Variants in GPC2 observed in about 807,000 individuals in gnomAD.
GPC2 encodes the protein glypican 2.
Under a neutral mutation model 57.3 loss-of-function variants are expected in GPC2, and 42 were observed. The ratio of observed to expected loss-of-function variants is 0.73; its 90% confidence interval spans 0.57 to 0.95. GPC2 has a LOEUF of 0.95. GPC2 is among the 40% of genes least tolerant of loss of function. The pLI, the probability that GPC2 is intolerant of heterozygous loss-of-function variation, is 0.00. For missense variants in GPC2, 745 were observed against 793.6 expected, an observed-to-expected ratio of 0.94 and a Z score of 0.74; for synonymous variants, 364 against 343.4, an observed-to-expected ratio of 1.06 and a Z score of -0.66.
Position 100,170,501 on chromosome 7 carries a change from G to T in GPC2, c.1487-18C>A. On this transcript the variant is annotated intron_variant, in intron 9 of 9. Coordinates refer to ENST00000292377, the MANE Select transcript of GPC2 (RefSeq NM_152742.3). ...ATCCTCATCTGCAAGGAAGAAGAGG[G>T]ACAGAGCAGGATGGGAGGGAGAAGC... 3 of 1,495,310 alleles carry T rather than the reference G, an allele frequency of 2.0e-6. No homozygotes were observed. The highest frequency in any genetic ancestry group is 1.8e-6 in the Non-Finnish European group (2 of 1,119,228). 92.6% of individuals were successfully genotyped at this position (1,495,310 alleles called of 1,614,324 possible).
intron 5 of GPC2, among the ~76,000 whole-genome samples, chr7:100,172,720 C>T (rs1213643127): frequency 6.0e-4 from 58 of 96,828 alleles, no homozygotes; most frequent in East Asian, 3.8e-3. Context: ...TGTATATATA[C>T]ACGTATATAT....
chr7:100,172,895 A>C (rs566667043), intron 5 of GPC2, among the ~76,000 whole-genome samples: 1 of 150,560 alleles, frequency 6.6e-6, no homozygotes, highest in African/African-American at 2.4e-5. Context: ...TCTCAAAAAA[A>C]AAAGAGTCTC....
intron 2 of GPC2, 111 bp downstream of exon 2, chr7:100,176,096 G>GGGGGGC: frequency 2.5e-6 from 1 of 395,286 alleles, no homozygotes; most frequent in Non-Finnish European, 4.0e-6. Flanking sequence ...GGCGGGCTGG[G>GGGGGGC]AGGGGATGGA....
At position 100,170,185 on chromosome 7, in the gene GPC2, G is replaced by A; in HGVS notation, c.*45C>T. ...CAGGCCCAGCTGAGGGGGGAGGAGGGGAAAGGGCCATGAACCCTTCTGATG... is the reference window on the plus strand; with the variant it reads ...CAGGCCCAGCTGAGGGGGGAGGAGGAGAAAGGGCCATGAACCCTTCTGATG... On this transcript the variant is annotated 3_prime_UTR_variant, in exon 10 of 10. Coordinates refer to ENST00000292377, the MANE Select transcript of GPC2 (RefSeq NM_152742.3). 2 of 1,497,928 alleles carry A rather than the reference G, an allele frequency of 1.3e-6. No individual in the cohort carries two copies. Among genetic ancestry groups the A allele is most frequent in the Non-Finnish European group, 1.8e-6 (2 of 1,116,020 alleles). 92.8% of individuals were successfully genotyped at this position (1,497,928 alleles called of 1,614,324 possible). A position where few individuals can be genotyped will look rare whatever the true frequency, so the allele number is the denominator to read the frequency against.
rs775294577 is a variant in GPC2 at position 100,172,181 on chromosome 7, G to A, written c.929C>T (p.Pro310Leu). 1.9e-6 allele frequency: 3 copies of A among 1,613,908 alleles called. No individual in the cohort carries two copies. Among genetic ancestry groups the A allele is most frequent in the African/African-American group, 1.3e-5 (1 of 74,934 alleles). Residue 310 changes from proline (P) to leucine (L), a missense_variant, in exon 6 of 10, where the codon CCC becomes CTC. This residue lies in a region of GPC2 where 607 missense variants were observed against 603.9 expected (regional missense o/e 1.01). Transcript: ENST00000292377. The stretch of plus-strand genomic sequence containing the variant: ...CTCGGCCGTCAGCTCAAAGGAAAAG[G>A]GGCCCTGGAGCTTATCAGCCAGGAT... The part of the protein sequence containing the change: ...LLILADKLQG[P>L]FSFELTAESI...
At chr7:100,170,567 A>C in intron 9 of GPC2, 84 bp from the exon 10 acceptor site, 1 of 1,285,018 alleles carries the variant, frequency 7.8e-7, no homozygotes, top group Non-Finnish European at 1.0e-6. Flanking sequence ...AGATAAAAAC[A>C]GAAAGAGAGA....
rs1367820639 is a variant in GPC2 at position 100,176,995 on chromosome 7, C to T, written c.166+39G>A. 1.8e-5 allele frequency: 6 copies of T among 338,962 alleles called. 1 individual carries two copies. The highest frequency in any genetic ancestry group is 2.2e-5 in the Non-Finnish European group (4 of 177,904). 21.0% of individuals were successfully genotyped at this position (338,962 alleles called of 1,614,324 possible). On this transcript the variant is annotated intron_variant, in intron 1 of 9. Transcript: ENST00000292377. ...GAGATGAGGAGGCCCCGCCCCCGCC[C>T]CCCACCCCCAATTCTCTAGTCTTCC...
At position 100,171,509 on chromosome 7, in the gene GPC2, C is replaced by G. The variant is rs544003526; in HGVS notation, c.1310+30G>C. 2.3e-4 allele frequency: 305 copies of G among 1,354,878 alleles called. No individual in the cohort carries two copies. Among genetic ancestry groups the G allele is most frequent in the Non-Finnish European group, 2.7e-4 (282 of 1,061,354 alleles). 83.9% of individuals were successfully genotyped at this position (1,354,878 alleles called of 1,614,324 possible). On this transcript the variant is annotated intron_variant, in intron 8 of 9. Coordinates refer to ENST00000292377, the MANE Select transcript of GPC2 (RefSeq NM_152742.3). This position sits in a 1 kb window ranked among gnomAD's most constrained non-coding sequence, Gnocchi z 4.8. The stretch of plus-strand genomic sequence containing the variant: ...CCCCTCCCGGCCGCGGTCCCGCCCC[C>G]TGCTGCCCCCCGACGCCCCCGAGGC...
Position 100,171,501 on chromosome 7 carries a change from C to T in GPC2, c.1310+38G>A. 7.4e-7 allele frequency: 1 copy of T among 1,353,756 alleles called. No individual in the cohort carries two copies. Among genetic ancestry groups the T allele is most frequent in the South Asian group, 1.8e-5 (1 of 54,750 alleles). 83.9% of individuals were successfully genotyped at this position (1,353,756 alleles called of 1,614,324 possible). A position where few individuals can be genotyped will look rare whatever the true frequency, so the allele number is the denominator to read the frequency against. Reference sequence around the variant, plus strand: ...CGGCCCCGCCCCTCCCGGCCGCGGTCCCGCCCCCTGCTGCCCCCCGACGCC... The same window carrying T: ...CGGCCCCGCCCCTCCCGGCCGCGGTTCCGCCCCCTGCTGCCCCCCGACGCC... On this transcript the variant is annotated intron_variant, in intron 8 of 9. Transcript: ENST00000292377. This position sits in a 1 kb window ranked among gnomAD's most constrained non-coding sequence, Gnocchi z 4.8.
chr7:100,170,484 C>T lies in GPC2; in HGVS notation c.1487-1G>A. 6.6e-7 allele frequency: 1 copy of T among 1,519,614 alleles called. No individual in the cohort carries two copies. Among genetic ancestry groups the T allele is most frequent in the Non-Finnish European group, 8.8e-7 (1 of 1,130,360 alleles). The allele number at this position is 1,519,614 out of a possible 1,614,324, so 94.1% of individuals were successfully genotyped here. On this transcript the variant is annotated splice_acceptor_variant, in intron 9 of 9. Transcript: ENST00000292377. LOFTEE classifies it high-confidence loss of function. ...CCTCCAGAGCCGCTGGCATCCTCAT[C>T]TGCAAGGAAGAAGAGGGACAGAGCA...
At position 100,170,177 on chromosome 7, in the gene GPC2, G is replaced by A; in HGVS notation, c.*53C>T. The A allele has an allele frequency of 6.7e-7, 1 of 1,486,532 alleles. No individual in the cohort carries two copies. The highest frequency in any genetic ancestry group is 2.5e-5 in the East Asian group (1 of 39,346). 92.1% of individuals were successfully genotyped at this position (1,486,532 alleles called of 1,614,324 possible). A position where few individuals can be genotyped will look rare whatever the true frequency, so the allele number is the denominator to read the frequency against. ...CTCCTCCCCAGGCCCAGCTGAGGGG[G>A]GAGGAGGGGAAAGGGCCATGAACCC... On this transcript the variant is annotated 3_prime_UTR_variant, in exon 10 of 10. Coordinates refer to ENST00000292377, the MANE Select transcript of GPC2 (RefSeq NM_152742.3).
In GPC2 at chr7:100,171,507, C is replaced by T; in HGVS notation, c.1310+32G>A. On this transcript the variant is annotated intron_variant, in intron 8 of 9. Transcript: ENST00000292377. This position sits in a 1 kb window ranked among gnomAD's most constrained non-coding sequence, Gnocchi z 4.8. ...CGCCCCTCCCGGCCGCGGTCCCGCC[C>T]CCTGCTGCCCCCCGACGCCCCCGAG... 1.5e-6 allele frequency: 2 copies of T among 1,351,706 alleles called. No homozygotes were observed. The highest frequency in any genetic ancestry group is 9.4e-7 in the Non-Finnish European group (1 of 1,059,614). 83.7% of individuals were successfully genotyped at this position (1,351,706 alleles called of 1,614,324 possible). A position where few individuals can be genotyped will look rare whatever the true frequency, so the allele number is the denominator to read the frequency against.
At chr7:100,172,673 G>GTGTGTGTGTGTGTATATATATATA (rs1427425109) in intron 5 of GPC2, among the ~76,000 whole-genome samples, 29 of 117,266 alleles carry the variant, frequency 2.5e-4, no homozygotes, top group East Asian at 6.1e-4. Flanking sequence ...ATATATATAT[G>GTGTGTGTGTGTGTATATATATATA]TGTGTGTGTG....
At position 100,171,468 on chromosome 7, in the gene GPC2, A is replaced by G; in HGVS notation, c.1311-32T>C. The G allele has an allele frequency of 7.4e-7, 1 of 1,355,154 alleles. No homozygotes were observed. Among genetic ancestry groups the G allele is most frequent in the Middle Eastern group, 2.6e-4 (1 of 3,846 alleles). The allele number at this position is 1,355,154 out of a possible 1,614,324, so 83.9% of individuals were successfully genotyped here. On this transcript the variant is annotated intron_variant, in intron 8 of 9. Transcript: ENST00000292377. The surrounding 1 kb of genome is among the most constrained non-coding windows in gnomAD (Gnocchi z 4.8). ...GCAGAGCAGCCCCGAAGCGCCAGCT[A>G]GCGCGCGCGGCCCCGCCCCTCCCGG...
chr7:100,171,185 G>A lies in GPC2; in HGVS notation c.1486+76C>T, dbSNP rs1167353626. 2.3e-6 allele frequency: 3 copies of A among 1,280,208 alleles called. No individual in the cohort carries two copies. Among genetic ancestry groups the A allele is most frequent in the Admixed American group, 6.1e-5 (2 of 32,880 alleles). The allele number at this position is 1,280,208 out of a possible 1,614,324, so 79.3% of individuals were successfully genotyped here. ...AATGAACGCTAAGAGCAGAGGCACGGGCGGGAACTACCAGGAGAGGGGAGA... is the reference window on the plus strand; with the variant it reads ...AATGAACGCTAAGAGCAGAGGCACGAGCGGGAACTACCAGGAGAGGGGAGA... On this transcript the variant is annotated intron_variant, in intron 9 of 9. Transcript: ENST00000292377. The surrounding 1 kb of genome is among the most constrained non-coding windows in gnomAD (Gnocchi z 4.8).
At chr7:100,173,682 C>CTCTT (rs71126309) in intron 5 of GPC2, 153 bp downstream of exon 5, 217,537 of 456,814 alleles carry the variant, frequency 0.48, 52,099 homozygotes, top group East Asian at 0.64. Flanking sequence ...TTCTCTCTCT[C>CTCTT]TCTTTCTTTC....
At position 100,173,879 on chromosome 7, in the gene GPC2, C is replaced by T. The variant is rs867108039; in HGVS notation, c.848G>A (p.Cys283Tyr). ...AGGCTCCAGTCCCCTGCTGCTGAGA[C>T]AGCCACGAACCACGTTGAGGCAGAA... ...QGFCLNVVRGCLSSRGLEPDW... is the reference protein window; with the variant it reads ...QGFCLNVVRGYLSSRGLEPDW... Residue 283 changes from cysteine to tyrosine, a missense_variant, in exon 5 of 10, where the codon TGT becomes TAT. By Grantham distance (194) the Cys-to-Tyr change is radical. Around this residue, in one of 2 missense-constraint regions of GPC2, gnomAD observed 607 missense variants for 603.9 expected, o/e 1.01. Coordinates refer to ENST00000292377, the MANE Select transcript of GPC2 (RefSeq NM_152742.3). 3.1e-6 allele frequency: 5 copies of T among 1,599,428 alleles called. No individual in the cohort carries two copies. In the African/African-American group the frequency reaches 4.1e-5, roughly 13 times the overall value.
Position 100,173,930 on chromosome 7 carries a change from A to AC in GPC2, c.796dup (p.Val266GlyfsTer27), listed in dbSNP as rs759282540. 8 of 1,600,004 alleles carry AC rather than the reference A, an allele frequency of 5.0e-6. No homozygotes were observed. The highest frequency in any genetic ancestry group is 1.7e-5 in the Admixed American group (1 of 58,574). The stretch of plus-strand genomic sequence containing the variant: ...GCCCTGGCAGGGCATAAGTGAGGGG[A>AC]CCCCCCGGCACAGGGGACAGCCGAT... On this transcript the variant is annotated frameshift_variant, in exon 5 of 10. Transcript: ENST00000292377. LOFTEE classifies it high-confidence loss of function.
intron 5 of GPC2, among the ~76,000 whole-genome samples, chr7:100,172,710 T>TATATACATGTATATATA: frequency 6.8e-6 from 1 of 147,726 alleles, no homozygotes; most frequent in African/African-American, 2.5e-5. Flanking sequence ...TGTATATATA[T>TATATACATGTATATATA]GTATATATAC....
Sources: gnomAD v4.1 joint callset for allele counts (sites outside exome capture counted in the v4.1 genomes callset) on GRCh38, gnomAD v4.1.1 for gene constraint, gnomAD v4.1.1 regional missense constraint, Gnocchi (gnomAD v3.1) non-coding constraint, MANE v1.5 for transcripts, NCBI Gene and HGNC (gene_info 2026-07-23, HGNC 2026-07-21) for gene names.